Variants in KHDRBS2 observed in about 807,000 individuals in gnomAD.
KHDRBS2 encodes KH RNA binding domain containing, signal transduction associated 2, also known as KH domain-containing, RNA-binding, signal transduction-associated protein 2.
Under a neutral mutation model 44.3 loss-of-function variants are expected in KHDRBS2, and 26 were observed. That is an observed-to-expected ratio of 0.59 (90% CI 0.43 to 0.81). The LOEUF is 0.81. Ranked by LOEUF, KHDRBS2 falls within the 40% of genes least tolerant of loss-of-function variation. KHDRBS2 has a pLI of 0.00. For missense variants in KHDRBS2, 476 were observed against 433.1 expected, an observed-to-expected ratio of 1.10 and a Z score of -0.88; for synonymous variants, 194 against 151.1, an observed-to-expected ratio of 1.28 and a Z score of -2.08.
At chr6:61,829,179 T>C (rs758089755) in intron 6 of KHDRBS2, among the ~76,000 whole-genome samples, 4 of 152,236 alleles carry the variant, frequency 2.6e-5, no homozygotes, top group Non-Finnish European at 5.9e-5. Context: ...TTGTTGTTGT[T>C]GAGACGCAGT....
At chr6:61,618,884 C>T in the KHDRBS2 span, among the ~76,000 whole-genome samples, 1 of 152,140 alleles carries the variant, frequency 6.6e-6, no homozygotes, top group Non-Finnish European at 1.5e-5. Flanking sequence ...ATGTATAGCT[C>T]TTTCTCAAAT....
At chr6:62,167,242 T>A (rs1319709747) in intron 2 of KHDRBS2, among the ~76,000 whole-genome samples, 1 of 151,982 alleles carries the variant, frequency 6.6e-6, no homozygotes, top group East Asian at 1.9e-4. Flanking sequence ...AAGGAGAGAC[T>A]GGTATGATTT....
intron 7 of KHDRBS2, among the ~76,000 whole-genome samples, chr6:61,717,967 T>C (rs1299024478): frequency 6.6e-6 from 1 of 152,050 alleles, no homozygotes; most frequent in African/African-American, 2.4e-5. Flanking sequence ...TTGGCAGATA[T>C]GGGTTCAAAT....
intron 1 of KHDRBS2, among the ~76,000 whole-genome samples, chr6:62,190,056 C>T (rs1484993943): frequency 6.6e-6 from 1 of 151,986 alleles, no homozygotes; most frequent in African/African-American, 2.4e-5. Context: ...CCCAGTGATA[C>T]TCTAATATGC....
chr6:61,752,418 T>C (rs1777833951), intron 6 of KHDRBS2, among the ~76,000 whole-genome samples: 1 of 152,136 alleles, frequency 6.6e-6, no homozygotes, highest in Non-Finnish European at 1.5e-5. Context: ...CTCTAAATGC[T>C]AGTCTCTTTC....
chr6:61,751,407 A>C (rs1263803998), intron 6 of KHDRBS2, among the ~76,000 whole-genome samples: 2 of 152,176 alleles, frequency 1.3e-5, no homozygotes, highest in Non-Finnish European at 2.9e-5. Flanking sequence ...GTATGAGATA[A>C]ACTTCCTCAG....
At chr6:62,167,243 G>C (rs1162584800) in intron 2 of KHDRBS2, among the ~76,000 whole-genome samples, 1 of 151,894 alleles carries the variant, frequency 6.6e-6, no homozygotes, top group East Asian at 1.9e-4. Flanking sequence ...AGGAGAGACT[G>C]GTATGATTTC....
At chr6:61,876,053 G>C (rs988039849) in intron 6 of KHDRBS2, among the ~76,000 whole-genome samples, 3 of 151,956 alleles carry the variant, frequency 2.0e-5, no homozygotes, top group Non-Finnish European at 2.9e-5. Context: ...GTATCCTGGA[G>C]CAGAAATAGT....
chr6:61,736,233 C>CACAG (rs1775335880), intron 6 of KHDRBS2, among the ~76,000 whole-genome samples: 1 of 151,170 alleles, frequency 6.6e-6, no homozygotes, highest in Admixed American at 6.6e-5. Context: ...CACACACACA[C>CACAG]ACACACACAC....
chr6:61,845,690 C>A (rs180754739), intron 6 of KHDRBS2, among the ~76,000 whole-genome samples: 7 of 152,330 alleles, frequency 4.6e-5, no homozygotes, highest in Admixed American at 4.6e-4. Flanking sequence ...CACTAAACTA[C>A]TACTGGTTGG....
intron 3 of KHDRBS2, among the ~76,000 whole-genome samples, chr6:62,032,442 G>C (rs1238722590): frequency 1.3e-5 from 2 of 151,878 alleles, no homozygotes; most frequent in Admixed American, 6.6e-5. Context: ...ACTCGGACTG[G>C]CTCTCCTTGC....
At chr6:62,256,740 G>A (rs535643436) in intron 1 of KHDRBS2, among the ~76,000 whole-genome samples, 12 of 152,186 alleles carry the variant, frequency 7.9e-5, no homozygotes, top group African/African-American at 2.6e-4. Flanking sequence ...CAGTAGTCAG[G>A]GGAAGGAGAT....
intron 1 of KHDRBS2, among the ~76,000 whole-genome samples, chr6:62,255,176 C>T (rs1407264610): frequency 6.6e-6 from 1 of 151,972 alleles, no homozygotes; most frequent in African/African-American, 2.4e-5. Flanking sequence ...CCTTAACATC[C>T]ATCCTTGGAA....
At chr6:61,910,706 G>A (rs1296687073) in intron 4 of KHDRBS2, among the ~76,000 whole-genome samples, 4 of 152,074 alleles carry the variant, frequency 2.6e-5, no homozygotes, top group East Asian at 1.9e-4. Flanking sequence ...AAAAACTTAC[G>A]TACTTGGTGT....
intron 2 of KHDRBS2, among the ~76,000 whole-genome samples, chr6:62,081,227 T>C (rs1797328643): frequency 6.6e-6 from 1 of 152,142 alleles, no homozygotes; most frequent in Non-Finnish European, 1.5e-5. Flanking sequence ...AGAAATGTGC[T>C]AAAAGATACA....
chr6:61,735,746 G>A (rs1775224794), intron 6 of KHDRBS2, among the ~76,000 whole-genome samples: 1 of 151,958 alleles, frequency 6.6e-6, no homozygotes, highest in African/African-American at 2.4e-5. Context: ...GTACATTTAT[G>A]TTACTGGAAA....
intron 2 of KHDRBS2, among the ~76,000 whole-genome samples, chr6:62,134,294 A>G (rs1162008321): frequency 1.3e-5 from 2 of 152,154 alleles, no homozygotes; most frequent in African/African-American, 4.8e-5. Flanking sequence ...CCGTGGCTTC[A>G]GAGGGTGCCA....
chr6:61,604,579 A>C, the KHDRBS2 span, among the ~76,000 whole-genome samples: 4 of 152,064 alleles, frequency 2.6e-5, no homozygotes, highest in East Asian at 7.7e-4. Context: ...TCTTAGAACC[A>C]CTCATTTCCT....
chr6:61,739,330 C>G (rs528385956), intron 6 of KHDRBS2, among the ~76,000 whole-genome samples: 1 of 151,806 alleles, frequency 6.6e-6, no homozygotes, highest in South Asian at 2.1e-4. Context: ...TTATGTTGAC[C>G]AGTAAAATGA....
Sources: allele counts gnomAD v4.1 joint callset (sites outside exome capture counted in the v4.1 genomes callset), GRCh38; gene constraint gnomAD v4.1.1; transcripts MANE v1.5; gene names NCBI Gene and HGNC (gene_info 2026-07-23, HGNC 2026-07-21).